MARCHF1: variants seen among roughly 807,000 people sequenced by gnomAD.
MARCHF1 encodes E3 ubiquitin-protein ligase MARCHF1.
MARCHF1 carries 40 observed loss-of-function variants against 54.2 expected under a neutral mutation model. The ratio of observed to expected loss-of-function variants is 0.74; its 90% confidence interval spans 0.57 to 0.96. The LOEUF is 0.96. Ranked by LOEUF, MARCHF1 falls within the 40% of genes least tolerant of loss-of-function variation. The pLI, the probability that MARCHF1 is intolerant of heterozygous loss-of-function variation, is 0.00. For synonymous variants in MARCHF1, 236 were observed against 236.3 expected (o/e 1.00, Z 0.01); for missense variants, 586 against 656.5 (o/e 0.89, Z 1.17).
At chr4:163,599,144 C>A (rs1031649516) in intron 7 of MARCHF1, among the ~76,000 whole-genome samples, 5 of 152,010 alleles carry the variant, frequency 3.3e-5, no homozygotes, top group Non-Finnish European at 7.4e-5. Flanking sequence ...AAGAAATTAG[C>A]TGGGCGTGGT....
chr4:164,128,058 A>T (rs908605531), intron 1 of MARCHF1, among the ~76,000 whole-genome samples: 2 of 152,210 alleles, frequency 1.3e-5, no homozygotes, highest in Non-Finnish European at 2.9e-5. Flanking sequence ...TCTGAAGAAT[A>T]TGAATTTTTA....
At chr4:163,661,393 G>T (rs541225591) in intron 5 of MARCHF1, among the ~76,000 whole-genome samples, 5 of 151,686 alleles carry the variant, frequency 3.3e-5, no homozygotes, top group African/African-American at 1.2e-4. Context: ...TGAAATTTTG[G>T]CTTTTTAGGC....
chr4:163,862,009 T>C (rs1037929832), intron 3 of MARCHF1, among the ~76,000 whole-genome samples: 1 of 152,056 alleles, frequency 6.6e-6, no homozygotes, highest in Non-Finnish European at 1.5e-5. Flanking sequence ...CAATTGGACA[T>C]TCATATGCAA....
chr4:163,898,999 C>A (rs935372291), intron 3 of MARCHF1, among the ~76,000 whole-genome samples: 1 of 152,006 alleles, frequency 6.6e-6, no homozygotes, highest in Admixed American at 6.6e-5. Flanking sequence ...TCCACATGGA[C>A]ACAAAGATGG....
At chr4:164,236,240 G>A (rs1006311838) in intron 1 of MARCHF1, among the ~76,000 whole-genome samples, 3 of 152,052 alleles carry the variant, frequency 2.0e-5, no homozygotes, top group African/African-American at 4.8e-5. Context: ...ACTGGGTTAG[G>A]TTTCCACAGC....
chr4:164,223,324 A>G (rs1732164114), intron 1 of MARCHF1, among the ~76,000 whole-genome samples: 1 of 152,060 alleles, frequency 6.6e-6, no homozygotes, highest in African/African-American at 2.4e-5. Flanking sequence ...TGAATTAACC[A>G]AAATTGTGAG....
rs1331126672 is a variant in MARCHF1, at chr4:164,360,698, A to T, written c.-323+23172T>A. On this transcript the variant is annotated intron_variant, in intron 1 of 9. Coordinates refer to ENST00000514618, the MANE Select transcript of MARCHF1 (RefSeq NM_001394959.1). ...GTGATCCATGGATATGCTTGGAGAA[A>T]CACTACAGTAAGTGGCCTGCAGCAC... 3.3e-5 allele frequency among the ~76,000 whole-genome samples: 5 copies of T among 152,030 alleles called. No individual in the cohort carries two copies. The East Asian group carries it at 9.7e-4, about 29-fold the overall frequency.
intron 3 of MARCHF1, among the ~76,000 whole-genome samples, chr4:163,959,644 C>A (rs1055608579): frequency 6.6e-6 from 1 of 151,760 alleles, no homozygotes; most frequent in East Asian, 1.9e-4. Flanking sequence ...CCCTTCCTTA[C>A]GCTATATAAA....
chr4:164,215,684 G>C (rs1731910691), intron 1 of MARCHF1, among the ~76,000 whole-genome samples: 1 of 152,078 alleles, frequency 6.6e-6, no homozygotes, highest in Non-Finnish European at 1.5e-5. Flanking sequence ...AAGTAAGGTT[G>C]AGAAAGAATT....
At position 164,197,127 on chromosome 4, in the gene MARCHF1, T is replaced by TTCACCTTCCTCCTCCTCC. The variant is rs768517670; in HGVS notation, c.-322-85483_-322-85466dup. The TTCACCTTCCTCCTCCTCC allele has an allele frequency of 1.8e-5, 29 of 1,605,870 alleles. No homozygotes were observed. In the African/African-American group the frequency reaches 3.9e-4, roughly 22 times the overall value. Reference sequence around the variant, plus strand: ...CGTCCCCTCCACTCACGTCCTCCTCTTCACCTTCCTCCTCCTCCTCCTCGC... The same window carrying TTCACCTTCCTCCTCCTCC: ...CGTCCCCTCCACTCACGTCCTCCTCTTCACCTTCCTCCTCCTCCTCACCTTCCTCCTCCTCCTCCTCGC... On this transcript the variant is annotated intron_variant, in intron 1 of 9. Transcript: ENST00000514618.
intron 1 of MARCHF1, among the ~76,000 whole-genome samples, chr4:164,138,808 TAGAG>T (rs1756458448): frequency 6.6e-6 from 1 of 152,186 alleles, no homozygotes; most frequent in South Asian, 2.1e-4. Flanking sequence ...AAGGCTATCT[TAGAG>T]AGATTAAATT....
At chr4:164,024,483 C>G (rs942221819) in intron 2 of MARCHF1, among the ~76,000 whole-genome samples, 4 of 152,096 alleles carry the variant, frequency 2.6e-5, no homozygotes, top group African/African-American at 7.2e-5. Flanking sequence ...CATATCCTGC[C>G]AAACTAAGTT....
rs372223854 is a variant in MARCHF1 at position 164,130,649 on chromosome 4, G to T, written c.-322-18987C>A. 9.9e-5 allele frequency among the ~76,000 whole-genome samples: 15 copies of T among 152,222 alleles called. 1 individual carries two copies. In the East Asian group the frequency reaches 2.5e-3, roughly 25 times the overall value. ...TCATATTATCTTCACAACACCCTGG[G>T]AGGTTTCACTCAGTTTCTGATCTGG... is the stretch of plus-strand genomic sequence containing the variant. On this transcript the variant is annotated intron_variant, in intron 1 of 9. Coordinates refer to ENST00000514618, the MANE Select transcript of MARCHF1 (RefSeq NM_001394959.1).
chr4:164,047,310 T>G (rs1447267627), intron 2 of MARCHF1, among the ~76,000 whole-genome samples: 1 of 152,096 alleles, frequency 6.6e-6, no homozygotes. Flanking sequence ...AAATGAGAAT[T>G]CCTACAATCA....
intron 2 of MARCHF1, among the ~76,000 whole-genome samples, chr4:164,061,837 A>T (rs1001440583): frequency 1.3e-5 from 2 of 152,206 alleles, no homozygotes; most frequent in East Asian, 3.8e-4. Context: ...TTGCTGGTGG[A>T]CAATCTATCC....
intron 1 of MARCHF1, among the ~76,000 whole-genome samples, chr4:164,343,874 G>T (rs1021862451): frequency 6.6e-6 from 1 of 152,106 alleles, no homozygotes; most frequent in Non-Finnish European, 1.5e-5. Context: ...TCATTATTGG[G>T]TATATACTCA....
At chr4:164,178,628 T>C (rs115708731) in intron 1 of MARCHF1, among the ~76,000 whole-genome samples, 1,912 of 152,308 alleles carry the variant, frequency 0.013, 38 homozygotes, top group African/African-American at 0.044. Flanking sequence ...GTACTGATGG[T>C]ACTGTTTGGT....
intron 4 of MARCHF1, among the ~76,000 whole-genome samples, chr4:163,733,245 G>A (rs149159833): frequency 0.48 from 10,356 of 21,404 alleles, 2,672 homozygotes; most frequent in East Asian, 0.57. Flanking sequence ...ATATATACAC[G>A]TGTATATATA....
At chr4:164,003,602 A>G (rs1753227791) in intron 2 of MARCHF1, among the ~76,000 whole-genome samples, 2 of 152,172 alleles carry the variant, frequency 1.3e-5, no homozygotes, top group African/African-American at 4.8e-5. Context: ...CCATCTCACC[A>G]GTCAGAATGG....
Sources: gnomAD v4.1 joint callset for allele counts (sites outside exome capture counted in the v4.1 genomes callset) on GRCh38, gnomAD v4.1.1 for gene constraint, MANE v1.5 for transcripts, NCBI Gene and HGNC (gene_info 2026-07-23, HGNC 2026-07-21) for gene names.